FGFR3: variants seen among roughly 807,000 people sequenced by gnomAD.
FGFR3 encodes the protein fibroblast growth factor receptor 3, also known as FGFR-3.
In FGFR3, 25 loss-of-function variants were observed where a neutral mutation model predicts 82.9. The observed-to-expected ratio is 0.30, with a 90% CI of 0.22 to 0.42. FGFR3 has a LOEUF of 0.42. Among genes scored for constraint, FGFR3 ranks in the 10% least tolerant of loss-of-function variants. FGFR3 has a pLI of 1.00. For missense variants in FGFR3, 1,026 were observed against 1,161.0 expected, an observed-to-expected ratio of 0.88 and a Z score of 1.69; for synonymous variants, 620 against 516.0, an observed-to-expected ratio of 1.20 and a Z score of -2.73.
intron 2 of FGFR3, among the ~76,000 whole-genome samples, 196 bp downstream of exon 2, chr4:1,794,239 G>A (rs920681688): frequency 1.2e-4 from 19 of 152,234 alleles, no homozygotes; most frequent in Non-Finnish European, 1.9e-4. Context: ...CGGAGCCGCA[G>A]CTACCCTCCA....
chr4:1,802,805 C>T, intron 7 of FGFR3: 2 of 1,378,470 alleles, frequency 1.5e-6, no homozygotes, highest in Non-Finnish European at 1.9e-6. Context: ...GCCTTTGGGG[C>T]TGACGCAGCC....
chr4:1,803,623 G>T, intron 7 of FGFR3, 69 bp from the exon 8 acceptor site: 3 of 1,579,544 alleles, frequency 1.9e-6, no homozygotes, highest in Non-Finnish European at 2.6e-6. Flanking sequence ...GGATCCTGCC[G>T]TGTGGACTCT....
In FGFR3 at chr4:1,805,451, C is replaced by A; in HGVS notation, c.1509C>A (p.Val503=). ...ACAAGGACCGGGCCGCCAAGCCTGT[C>A]ACCGTAGCCGTGAAGATGCTGAAAG... ...GIDKDRAAKP[V]TVAVKMLKDD... The change falls in exon 11 of 18, where the codon GTC becomes GTA. Residue 503 remains valine (V), a synonymous_variant. Transcript: ENST00000440486. 1 of 1,611,998 alleles carries A rather than the reference C, an allele frequency of 6.2e-7. No individual in the cohort carries two copies. Among genetic ancestry groups the A allele is most frequent in the South Asian group, 1.1e-5 (1 of 91,036 alleles).
At chr4:1,802,801 G>T in intron 7 of FGFR3, 1 of 1,346,710 alleles carries the variant, frequency 7.4e-7, no homozygotes, top group Non-Finnish European at 9.8e-7. Flanking sequence ...GGCAGCCTTT[G>T]GGGCTGACGC....
Position 1,807,321 on chromosome 4 carries a change from C to T in FGFR3, c.*59C>T, listed in dbSNP as rs1278496605. On this transcript the variant is annotated 3_prime_UTR_variant, in exon 18 of 18. Transcript: ENST00000440486. ...CTAGCAGCCCACCCTGCTGCTGGTG[C>T]ACAGCCACTCCCCGGCATGAGACTC... The T allele has an allele frequency of 3.9e-6, 6 of 1,544,484 alleles. No individual in the cohort carries two copies. The highest frequency in any genetic ancestry group is 2.4e-5 in the South Asian group (2 of 84,698).
At chr4:1,796,249 A>T (rs1370164313) in intron 2 of FGFR3, among the ~76,000 whole-genome samples, 1 of 152,082 alleles carries the variant, frequency 6.6e-6, no homozygotes, top group Non-Finnish European at 1.5e-5. Flanking sequence ...TTACCTGTCC[A>T]AGAGAACCGA....
chr4:1,806,279 T>C lies in FGFR3; in HGVS notation c.1982T>C (p.Met661Thr), dbSNP rs1721906539. The C allele has an allele frequency of 6.2e-7, 1 of 1,611,424 alleles. No homozygotes were observed. Reference protein sequence around the residue: ...TTNGRLPVKWMAPEALFDRVY... With the variant: ...TTNGRLPVKWTAPEALFDRVY... Reference sequence around the variant, plus strand: ...CAGGGCCGGCTGCCCGTGAAGTGGATGGCGCCTGAGGCCTTGTTTGACCGA... The same window carrying C: ...CAGGGCCGGCTGCCCGTGAAGTGGACGGCGCCTGAGGCCTTGTTTGACCGA... Residue 661 changes from methionine to threonine, a missense_variant, in exon 15 of 18, where the codon ATG (methionine) becomes ACG (threonine). Met to Thr is a moderately conservative substitution (Grantham distance 81). This residue lies in a region of FGFR3 where 45 missense variants were observed against 80.8 expected (regional missense o/e 0.56). Transcript: ENST00000440486.
intron 2 of FGFR3, among the ~76,000 whole-genome samples, chr4:1,798,833 G>A (rs1372445083): frequency 1.3e-5 from 2 of 152,164 alleles, no homozygotes; most frequent in Non-Finnish European, 2.9e-5. Context: ...TGTCCCCTTT[G>A]CCCGCAGCAC....
rs761733326 is a variant in FGFR3, at chr4:1,807,229, G to C, written c.2388G>C (p.Pro796=). 6 of 1,607,790 alleles carry C rather than the reference G, an allele frequency of 3.7e-6. No homozygotes were observed. In the East Asian group the frequency reaches 1.3e-4, roughly 36 times the overall value. The part of the protein sequence containing the change: ...DSVFAHDLLP[P]APPSSGGSRT ...TGTTTGCCCACGACCTGCTGCCCCCGGCCCCACCCAGCAGTGGGGGCTCGC... is the reference window on the plus strand; with the variant it reads ...TGTTTGCCCACGACCTGCTGCCCCCCGCCCCACCCAGCAGTGGGGGCTCGC... Residue 796 remains proline (P), a synonymous_variant, in exon 18 of 18, where the codon CCG becomes CCC. Transcript: ENST00000440486.
chr4:1,807,600 G>A lies in FGFR3; in HGVS notation c.*338G>A, dbSNP rs1218119281. On this transcript the variant is annotated 3_prime_UTR_variant, in exon 18 of 18. Transcript: ENST00000440486. Reference sequence around the variant, plus strand: ...CCCGGTGGGACCCCCGTGGGGCAGGGAGCTGGGCCCGACATGGCTCCGGCC... The same window carrying A: ...CCCGGTGGGACCCCCGTGGGGCAGGAAGCTGGGCCCGACATGGCTCCGGCC... 1.5e-6 allele frequency: 1 copy of A among 675,998 alleles called. No homozygotes were observed. 41.9% of individuals were successfully genotyped at this position (675,998 alleles called of 1,614,324 possible). A position where few individuals can be genotyped will look rare whatever the true frequency, so the allele number is the denominator to read the frequency against.
intron 11 of FGFR3, 27 bp downstream of exon 11, chr4:1,805,503 G>A (rs1412892331): frequency 7.4e-6 from 12 of 1,612,336 alleles, no homozygotes; most frequent in Non-Finnish European, 1.0e-5. Context: ...CAGGGGTGCA[G>A]AGCAGGGCTG....
Position 1,802,858 on chromosome 4 carries a change from G to A in FGFR3, c.930+833G>A, listed in dbSNP as rs1165078180. 2.4e-5 allele frequency: 37 copies of A among 1,532,014 alleles called. 1 individual carries two copies. In the South Asian group the frequency reaches 4.0e-4, roughly 17 times the overall value. 94.9% of individuals were successfully genotyped at this position (1,532,014 alleles called of 1,614,324 possible). ...TTGGGGGTCTCCCACATCCTGCCTC[G>A]TGCCCGGCGGGGCTGCCTCGGGGGC... On this transcript the variant is annotated intron_variant, in intron 7 of 17. Transcript: ENST00000440486.
At chr4:1,796,942 A>G (rs1720584941) in intron 2 of FGFR3, among the ~76,000 whole-genome samples, 1 of 152,160 alleles carries the variant, frequency 6.6e-6, no homozygotes, top group African/African-American at 2.4e-5. Flanking sequence ...ACTCTGGGAC[A>G]CAGCAGAGGG....
chr4:1,803,267 C>G, intron 7 of FGFR3: 1 of 612,718 alleles, frequency 1.6e-6, no homozygotes. Context: ...CGACCCTTCC[C>G]GCACGCCTGC....
intron 3 of FGFR3, 65 bp from the exon 4 acceptor site, chr4:1,799,682 G>T: frequency 6.3e-7 from 1 of 1,598,920 alleles, no homozygotes; most frequent in Non-Finnish European, 8.5e-7. Flanking sequence ...GCCCCATCTG[G>T]GAGGGGCACC....
At chr4:1,803,656 C>G (rs756837247) in intron 7 of FGFR3, 36 bp from the exon 8 acceptor site, 1 of 1,607,590 alleles carries the variant, frequency 6.2e-7, no homozygotes, top group South Asian at 1.1e-5. Flanking sequence ...CAGGGCGGTG[C>G]TGGCGCTCGC....
At chr4:1,798,014 G>A (rs1016047097) in intron 2 of FGFR3, among the ~76,000 whole-genome samples, 3 of 152,238 alleles carry the variant, frequency 2.0e-5, no homozygotes, top group South Asian at 2.1e-4. Flanking sequence ...CTGCCTGGGG[G>A]ACCACCCACC....
chr4:1,798,440 C>T (rs1720781927), intron 2 of FGFR3, among the ~76,000 whole-genome samples: 1 of 152,000 alleles, frequency 6.6e-6, no homozygotes, highest in Non-Finnish European at 1.5e-5. Flanking sequence ...CGTGTTTGTA[C>T]TTTGCTCTTC....
At chr4:1,807,069 G>A (rs372245118) in intron 17 of FGFR3, 47 bp from the exon 18 acceptor site, 63 of 1,554,826 alleles carry the variant, frequency 4.1e-5, no homozygotes, top group Non-Finnish European at 5.1e-5. Flanking sequence ...GTGGCTGTGC[G>A]AAGAGGGGCT....
Sources: allele counts gnomAD v4.1 joint callset (sites outside exome capture counted in the v4.1 genomes callset), GRCh38; gene constraint gnomAD v4.1.1; regional missense constraint gnomAD v4.1.1; transcripts MANE v1.5; gene names NCBI Gene and HGNC (gene_info 2026-07-23, HGNC 2026-07-21).